The following LARGE1 variants were observed in gnomAD, a reference collection of about 807,000 sequenced individuals.
LARGE1 encodes the protein xylosyl- and glucuronyltransferase LARGE1.
A neutral mutation model predicts 87.6 loss-of-function variants in LARGE1; 43 were observed. The observed-to-expected ratio is 0.49, with a 90% CI of 0.38 to 0.63. LARGE1 has a LOEUF of 0.63. Ranked by LOEUF, LARGE1 falls within the 30% of genes least tolerant of loss-of-function variation. The probability of loss-of-function intolerance (pLI) is 0.00; values close to 1 mark genes in which losing one functional copy is unlikely to be tolerated. For missense variants in LARGE1, 802 were observed against 1,000.2 expected (o/e 0.80, Z 2.67); for synonymous variants, 434 against 394.6 (o/e 1.10, Z -1.18).
At chr22:33,286,390 T>A (rs781673943) in intron 12 of LARGE1, among the ~76,000 whole-genome samples, 1 of 152,090 alleles carries the variant, frequency 6.6e-6, no homozygotes, top group South Asian at 2.1e-4. Flanking sequence ...CTAAAGAATA[T>A]ACTTGGACCA....
chr22:33,211,794 C>T (rs536563695), intron 11 of LARGE1, among the ~76,000 whole-genome samples: 6 of 152,198 alleles, frequency 3.9e-5, no homozygotes, highest in Admixed American at 2.0e-4. Flanking sequence ...AGTGCTGTGA[C>T]TCCAGTGAAT....
intron 6 of LARGE1, among the ~76,000 whole-genome samples, chr22:33,486,129 G>T (rs1046247046): frequency 1.3e-5 from 2 of 152,214 alleles, no homozygotes; most frequent in African/African-American, 4.8e-5. Context: ...TGGCTCTCGT[G>T]TCAGCTCTGC....
At chr22:33,868,586 C>T (rs971381176) in intron 1 of LARGE1, among the ~76,000 whole-genome samples, 4 of 152,162 alleles carry the variant, frequency 2.6e-5, no homozygotes, top group African/African-American at 9.7e-5. Flanking sequence ...GCCCATGGCC[C>T]TCCCTAACAT....
intron 6 of LARGE1, among the ~76,000 whole-genome samples, chr22:33,541,265 G>A (rs940652613): frequency 5.3e-5 from 8 of 151,548 alleles, no homozygotes; most frequent in South Asian, 4.2e-4. Context: ...TTACGGAGCC[G>A]GGGCTGGGAC....
chr22:33,758,124 C>T (rs946703471), intron 2 of LARGE1, among the ~76,000 whole-genome samples: 2 of 152,176 alleles, frequency 1.3e-5, no homozygotes, highest in African/African-American at 4.8e-5. Context: ...TGACATCTGG[C>T]TCCTTGCCAC....
intron 11 of LARGE1, among the ~76,000 whole-genome samples, chr22:33,315,792 G>A (rs1027508998): frequency 6.6e-6 from 1 of 152,134 alleles, no homozygotes; most frequent in African/African-American, 2.4e-5. Context: ...ACCATGCCCA[G>A]CTAATTTTCG....
chr22:33,355,408 C>T (rs12159445), intron 9 of LARGE1, among the ~76,000 whole-genome samples: 2,666 of 152,330 alleles, frequency 0.018, 79 homozygotes, highest in African/African-American at 0.06. Context: ...ATACAACGGG[C>T]ACTCAATACT....
At chr22:33,074,395 C>A in the LARGE1 span, among the ~76,000 whole-genome samples, 2 of 152,158 alleles carry the variant, frequency 1.3e-5, no homozygotes, top group Non-Finnish European at 2.9e-5. Flanking sequence ...ATTGTTCCGG[C>A]TGGGCGTGGT....
Position 33,422,797 on chromosome 22 carries a change from AACTC to A in LARGE1, c.892+9360_892+9363del, listed in dbSNP as rs960895474. On this transcript the variant is annotated intron_variant, in intron 7 of 14. Transcript: ENST00000397394. Reference sequence around the variant, plus strand: ...CTTTTAAACAACCAGATCTCATGAGAACTCACTCACTATCATGAGAACGGCACCA... The same window carrying A: ...CTTTTAAACAACCAGATCTCATGAGAACTCACTATCATGAGAACGGCACCA... 5.9e-5 allele frequency among the ~76,000 whole-genome samples: 9 copies of A among 152,068 alleles called. No homozygotes were observed. In the South Asian group the frequency reaches 1.7e-3, roughly 28 times the overall value.
rs576370913 is a variant in LARGE1 at position 33,402,293 on chromosome 22, T to C, written c.893-17989A>G. On this transcript the variant is annotated intron_variant, in intron 7 of 14. Coordinates refer to ENST00000397394, the MANE Select transcript of LARGE1 (RefSeq NM_133642.5). ...GCTGGGCATCACTAAGTCAACGTCT[T>C]CATTTTATAGATGAGGAAACCAAGA... Among the ~76,000 whole-genome samples, 3 of 152,286 alleles carry C rather than the reference T, an allele frequency of 2.0e-5. No individual in the cohort carries two copies. The South Asian group carries it at 6.2e-4, about 32-fold the overall frequency.
At chr22:33,445,611 G>A (rs966062696) in intron 6 of LARGE1, among the ~76,000 whole-genome samples, 1 of 151,594 alleles carries the variant, frequency 6.6e-6, no homozygotes, top group African/African-American at 2.4e-5. Context: ...AATTTCCTGG[G>A]TGACAGGGGC....
chr22:33,357,770 C>T (rs12158697), intron 9 of LARGE1, among the ~76,000 whole-genome samples: 11,547 of 151,840 alleles, frequency 0.076, 522 homozygotes, highest in South Asian at 0.14. Flanking sequence ...CTCCAGCCCA[C>T]GCAATAAGAG....
rs900913052 is a variant in LARGE1 at position 33,331,495 on chromosome 22, C to T, written c.1287+6151G>A. 8.6e-5 allele frequency among the ~76,000 whole-genome samples: 13 copies of T among 151,422 alleles called. No individual in the cohort carries two copies. In the East Asian group the frequency reaches 2.3e-3, roughly 27 times the overall value. On this transcript the variant is annotated intron_variant, in intron 10 of 14. Transcript: ENST00000397394. ...TGATTTCGGCTCACTGCATCCTCTG[C>T]CTCCCAGGTTCAAGCGATTCTCCTG...
chr22:33,133,116 G>A, the LARGE1 span, among the ~76,000 whole-genome samples: 5 of 152,162 alleles, frequency 3.3e-5, no homozygotes, highest in African/African-American at 4.8e-5. Context: ...AATATTTCAG[G>A]AGATTATGGA....
At chr22:33,354,797 C>T (rs1056297521) in intron 9 of LARGE1, among the ~76,000 whole-genome samples, 3 of 152,118 alleles carry the variant, frequency 2.0e-5, no homozygotes, top group African/African-American at 7.2e-5. Context: ...CAGTCATAGC[C>T]ATTAAATTCT....
rs532827066 is a variant in LARGE1, at chr22:33,363,022, T to C, written c.1131+18897A>G. On this transcript the variant is annotated intron_variant, in intron 9 of 14. Coordinates refer to ENST00000397394, the MANE Select transcript of LARGE1 (RefSeq NM_133642.5). ...AAAAGAAAGCAAATCAAGGTTAAAATATTTTTATGATTCTCGCTTTAAATG... is the reference window on the plus strand; with the variant it reads ...AAAAGAAAGCAAATCAAGGTTAAAACATTTTTATGATTCTCGCTTTAAATG... Among the ~76,000 whole-genome samples, 4 of 150,214 alleles carry C rather than the reference T, an allele frequency of 2.7e-5. 1 individual carries two copies. Among genetic ancestry groups the C allele is most frequent in the East Asian group, 1.9e-4 (1 of 5,178 alleles).
intron 2 of LARGE1, among the ~76,000 whole-genome samples, chr22:33,712,342 C>A (rs1173361145): frequency 6.6e-6 from 1 of 152,146 alleles, no homozygotes; most frequent in Non-Finnish European, 1.5e-5. Flanking sequence ...TGGCCCTGCA[C>A]TGAGCATCTA....
intron 2 of LARGE1, among the ~76,000 whole-genome samples, chr22:33,713,967 A>ATAACGTAACGTAACG (rs1294614589): frequency 1.4e-4 from 16 of 110,410 alleles, no homozygotes; most frequent in South Asian, 2.8e-4. Flanking sequence ...GAAAAAGTAA[A>ATAACGTAACGTAACG]TAACGTAACA....
intron 11 of LARGE1, among the ~76,000 whole-genome samples, chr22:33,219,066 T>G (rs1292293903): frequency 1.3e-5 from 2 of 151,898 alleles, no homozygotes; most frequent in Non-Finnish European, 2.9e-5. Flanking sequence ...TCTCTCTGAC[T>G]ACACCAATCA....
Sources: gnomAD v4.1 joint callset for allele counts (sites outside exome capture counted in the v4.1 genomes callset) on GRCh38, gnomAD v4.1.1 for gene constraint, MANE v1.5 for transcripts, NCBI Gene and HGNC (gene_info 2026-07-23, HGNC 2026-07-21) for gene names.